The following BNC2 variants were observed in gnomAD, a reference collection of about 807,000 sequenced individuals.
The protein encoded by BNC2 is basonuclin zinc finger protein 2, also known as zinc finger protein basonuclin-2.
Under a neutral mutation model 76.3 loss-of-function variants are expected in BNC2, and 20 were observed. That is an observed-to-expected ratio of 0.26 (90% CI 0.18 to 0.38). The LOEUF is 0.38. Ranked by LOEUF, BNC2 falls within the 10% of genes least tolerant of loss-of-function variation. The pLI, the probability that BNC2 is intolerant of heterozygous loss-of-function variation, is 1.00. For synonymous variants in BNC2, 582 were observed against 514.8 expected, an observed-to-expected ratio of 1.13 and a Z score of -1.77; for missense variants, 1,382 against 1,399.8, an observed-to-expected ratio of 0.99 and a Z score of 0.20.
chr9:16,805,813 A>G (rs1278001899), intron 1 of BNC2, among the ~76,000 whole-genome samples: 1 of 152,194 alleles, frequency 6.6e-6, no homozygotes, highest in African/African-American at 2.4e-5. Context: ...AATAAAATTC[A>G]CTTAAATGTA....
At chr9:16,449,835 G>A (rs565484054) in intron 5 of BNC2, among the ~76,000 whole-genome samples, 70 of 131,028 alleles carry the variant, frequency 5.3e-4, no homozygotes, top group Non-Finnish European at 8.0e-4. Flanking sequence ...AAAGTTAAAG[G>A]TGGGGCGGGG....
intron 3 of BNC2, among the ~76,000 whole-genome samples, chr9:16,660,042 C>A (rs1210626414): frequency 2.0e-5 from 3 of 152,202 alleles, no homozygotes; most frequent in African/African-American, 7.2e-5. Flanking sequence ...TCTAACATCT[C>A]ACCCCCAAAT....
chr9:16,590,679 C>T (rs980722637), intron 3 of BNC2, among the ~76,000 whole-genome samples: 7 of 152,008 alleles, frequency 4.6e-5, no homozygotes, highest in African/African-American at 1.4e-4. Flanking sequence ...TGGTGGCATG[C>T]ACCTGTGGTT....
At chr9:16,737,238 CTTTTTT>C (rs559930240) in intron 2 of BNC2, among the ~76,000 whole-genome samples, 1 of 91,302 alleles carries the variant, frequency 1.1e-5, no homozygotes, top group Non-Finnish European at 2.0e-5. Context: ...CACACCTGGC[CTTTTTT>C]TTTTTTTTTT....
At chr9:16,449,804 A>G (rs1821301713) in intron 5 of BNC2, among the ~76,000 whole-genome samples, 1 of 116,340 alleles carries the variant, frequency 8.6e-6, no homozygotes. Context: ...GGTGAATGGG[A>G]GGTGAAAAGC....
rs769498418 is a variant in BNC2 at position 16,417,002 on chromosome 9, G to C, written c.*1987C>G. The C allele has an allele frequency of 7.9e-5, 12 of 152,322 alleles. No individual in the cohort carries two copies. Among genetic ancestry groups the C allele is most frequent in the Non-Finnish European group, 1.6e-4 (11 of 67,978 alleles). The allele number at this position is 152,322 out of a possible 1,614,324, so 9.4% of individuals were successfully genotyped here. A position where few individuals can be genotyped will look rare whatever the true frequency, so the allele number is the denominator to read the frequency against. On this transcript the variant is annotated 3_prime_UTR_variant, in exon 7 of 7. Transcript: ENST00000380672. ...AAACGACATAAAAGTTAAAATAAAG[G>C]GATATTTCTAACTTTTAGACTGATG...
chr9:16,830,249 G>T (rs148414753), intron 1 of BNC2, among the ~76,000 whole-genome samples: 1 of 152,274 alleles, frequency 6.6e-6, no homozygotes, highest in African/African-American at 2.4e-5. Context: ...ACAGTTATCA[G>T]CTTGGCTAAG....
At chr9:16,589,602 G>C (rs1309810914) in intron 3 of BNC2, among the ~76,000 whole-genome samples, 1 of 151,914 alleles carries the variant, frequency 6.6e-6, no homozygotes, top group Non-Finnish European at 1.5e-5. Flanking sequence ...TCCGCCTCCA[G>C]GGTTCAAGTG....
intron 5 of BNC2, among the ~76,000 whole-genome samples, chr9:16,535,991 T>C (rs1022789958): frequency 3.3e-5 from 5 of 152,026 alleles, no homozygotes; most frequent in African/African-American, 1.2e-4. Flanking sequence ...AACAACCTAA[T>C]AGCCAGATAT....
At chr9:16,842,251 GA>G (rs1364682074) in intron 1 of BNC2, among the ~76,000 whole-genome samples, 45 of 152,282 alleles carry the variant, frequency 3.0e-4, no homozygotes, top group African/African-American at 9.9e-4. Flanking sequence ...AATTCACTTA[GA>G]AAAGATGCTG....
chr9:16,672,250 C>A (rs555532065), intron 3 of BNC2, among the ~76,000 whole-genome samples: 1 of 152,186 alleles, frequency 6.6e-6, no homozygotes, highest in Non-Finnish European at 1.5e-5. Context: ...GTAATCCCAG[C>A]ACTTTGGGAG....
At chr9:16,749,081 CTTTG>C (rs1825103399) in intron 1 of BNC2, among the ~76,000 whole-genome samples, 2 of 151,740 alleles carry the variant, frequency 1.3e-5, no homozygotes, top group African/African-American at 4.8e-5. Flanking sequence ...AGCTTGTAAG[CTTTG>C]TTTCATTCTC....
intron 5 of BNC2, among the ~76,000 whole-genome samples, chr9:16,459,413 A>C (rs372261281): frequency 6.6e-6 from 1 of 152,138 alleles, no homozygotes; most frequent in East Asian, 1.9e-4. Flanking sequence ...CTTTAGGGTA[A>C]AGCTCTCTGC....
At chr9:16,644,459 T>C (rs1821570677) in intron 3 of BNC2, among the ~76,000 whole-genome samples, 1 of 152,200 alleles carries the variant, frequency 6.6e-6, no homozygotes, top group Admixed American at 6.6e-5. Context: ...TATCTAATCA[T>C]GATGACTATT....
chr9:16,498,091 C>T (rs917107312), intron 5 of BNC2, among the ~76,000 whole-genome samples: 10 of 134,954 alleles, frequency 7.4e-5, no homozygotes, highest in Non-Finnish European at 4.7e-5. Context: ...ATATATATTC[C>T]ATCATATATA....
At chr9:16,681,178 C>A (rs912277183) in intron 3 of BNC2, among the ~76,000 whole-genome samples, 1 of 152,144 alleles carries the variant, frequency 6.6e-6, no homozygotes, top group Non-Finnish European at 1.5e-5. Flanking sequence ...TTAGCACTCC[C>A]AGAGTTACGT....
rs142433416 is a variant in BNC2, at chr9:16,660,403, G to A, written c.330+67394C>T. Among the ~76,000 whole-genome samples the A allele has an allele frequency of 2.3e-4, 34 of 151,046 alleles. No homozygotes were observed. The East Asian group carries it at 6.6e-3, about 29-fold the overall frequency. ...TGGGAGGCAGAAGTTGCAGTGAGCT[G>A]AGATCGTGCCACTGCACTCCAGACT... On this transcript the variant is annotated intron_variant, in intron 3 of 6. Transcript: ENST00000380672.
At chr9:16,652,348 GT>G (rs199497659) in intron 3 of BNC2, among the ~76,000 whole-genome samples, 13 of 151,184 alleles carry the variant, frequency 8.6e-5, no homozygotes, top group Middle Eastern at 3.4e-3. Context: ...TAAAACAAAT[GT>G]TTTTTTTTAA....
chr9:16,745,190 T>C (rs1824965462), intron 1 of BNC2, among the ~76,000 whole-genome samples: 1 of 152,200 alleles, frequency 6.6e-6, no homozygotes, highest in Non-Finnish European at 1.5e-5. Context: ...GCGCCTAGCA[T>C]ACAAGTACTA....
Sources: gnomAD v4.1 joint callset for allele counts (sites outside exome capture counted in the v4.1 genomes callset) on GRCh38, gnomAD v4.1.1 for gene constraint, MANE v1.5 for transcripts, NCBI Gene and HGNC (gene_info 2026-07-23, HGNC 2026-07-21) for gene names.